CAP1: variants seen among roughly 807,000 people sequenced by gnomAD.
CAP1 encodes adenylyl cyclase-associated protein 1.
A neutral mutation model predicts 58.2 loss-of-function variants in CAP1; 11 were observed. The ratio of observed to expected loss-of-function variants is 0.19; its 90% confidence interval spans 0.12 to 0.31. CAP1 has a LOEUF of 0.31. CAP1 is among the 10% of genes least tolerant of loss of function. CAP1 has a pLI of 1.00. For missense variants in CAP1, 423 were observed against 587.5 expected (o/e 0.72, Z 2.89); for synonymous variants, 183 against 213.8 (o/e 0.86, Z 1.26).
At chr1:40,051,858 C>T (rs544828306) in intron 1 of CAP1, among the ~76,000 whole-genome samples, 39 of 152,196 alleles carry the variant, frequency 2.6e-4, no homozygotes, top group African/African-American at 8.7e-4. Context: ...CGTGAGCCAC[C>T]GCGCCCAGCC....
intron 1 of CAP1, among the ~76,000 whole-genome samples, chr1:40,046,541 T>C (rs1044795051): frequency 6.6e-6 from 1 of 152,210 alleles, no homozygotes; most frequent in Non-Finnish European, 1.5e-5. Flanking sequence ...ACATTTATTT[T>C]AGTTGATAAA....
chr1:40,041,998 G>T (rs1645856118), intron 1 of CAP1, among the ~76,000 whole-genome samples: 1 of 152,088 alleles, frequency 6.6e-6, no homozygotes, highest in South Asian at 2.1e-4. Context: ...AAATCCGGGG[G>T]CATATCAGCA....
chr1:40,040,371 C>A (rs1248363273), upstream of CAP1: 1 of 152,304 alleles, frequency 6.6e-6, no homozygotes, highest in Non-Finnish European at 1.5e-5. Flanking sequence ...TGAGACCAAA[C>A]TGACAGAGGA....
At chr1:40,062,225 CTCT>C (rs1646881958) in intron 4 of CAP1, among the ~76,000 whole-genome samples, 1 of 15,112 alleles carries the variant, frequency 6.6e-5, no homozygotes, top group Non-Finnish European at 2.1e-4. Context: ...TTGGGAGACT[CTCT>C]CTTTAATTTT....
At chr1:40,045,515 C>T (rs1646051518) in intron 1 of CAP1, among the ~76,000 whole-genome samples, 1 of 152,188 alleles carries the variant, frequency 6.6e-6, no homozygotes, top group African/African-American at 2.4e-5. Flanking sequence ...CTTCTCGCTT[C>T]AGCCTCCTGA....
rs200592637 is a variant in CAP1, at chr1:40,064,403, G to A, written c.438+33G>A. The A allele has an allele frequency of 7.4e-6, 12 of 1,613,888 alleles. No individual in the cohort carries two copies. In the African/African-American group the frequency reaches 1.5e-4, roughly 20 times the overall value. On this transcript the variant is annotated intron_variant, in intron 5 of 12. Coordinates refer to ENST00000372805, the MANE Select transcript of CAP1 (RefSeq NM_006367.4). The stretch of plus-strand genomic sequence containing the variant: ...GCGCAGATTCCAGGGCTGGGGGTGG[G>A]TATAGATTTTAAGAGGGAAGGCAAT...
chr1:40,070,409 A>G (rs1647680219), intron 10 of CAP1, 21 bp from the exon 11 acceptor site: 2 of 1,608,022 alleles, frequency 1.2e-6, no homozygotes, highest in Non-Finnish European at 1.7e-6. Flanking sequence ...ACACGTTGAC[A>G]CACTCCCTTT....
intron 1 of CAP1, among the ~76,000 whole-genome samples, chr1:40,044,190 G>A (rs930695326): frequency 6.6e-6 from 1 of 151,942 alleles, no homozygotes; most frequent in South Asian, 2.1e-4. Context: ...TTGAGGCTGA[G>A]TTAGAGACTA....
At chr1:40,044,988 G>A (rs1188851098) in intron 1 of CAP1, among the ~76,000 whole-genome samples, 1 of 151,728 alleles carries the variant, frequency 6.6e-6, no homozygotes, top group Non-Finnish European at 1.5e-5. Flanking sequence ...AGTATAGACG[G>A]GGTTTCACTG....
At chr1:40,070,718 GC>G (rs1647770953) in intron 11 of CAP1, 117 bp from the exon 12 acceptor site, 1 of 779,890 alleles carries the variant, frequency 1.3e-6, no homozygotes, top group Non-Finnish European at 2.1e-6. Flanking sequence ...CCAGTGTCTT[GC>G]GCATCTGTGA....
chr1:40,045,112 G>A (rs1258762303), intron 1 of CAP1, among the ~76,000 whole-genome samples: 1 of 152,014 alleles, frequency 6.6e-6, no homozygotes, highest in Non-Finnish European at 1.5e-5. Context: ...GAGTTGTCCT[G>A]TGCACTGTGG....
intron 2 of CAP1, among the ~76,000 whole-genome samples, 154 bp downstream of exon 2, chr1:40,059,612 T>A (rs1260135967): frequency 6.6e-6 from 1 of 152,202 alleles, no homozygotes; most frequent in Non-Finnish European, 1.5e-5. Flanking sequence ...AGAGAGGAAA[T>A]GACTTGTACA....
At chr1:40,061,650 C>T in intron 3 of CAP1, 85 bp from the exon 4 acceptor site, 2 of 1,079,394 alleles carry the variant, frequency 1.9e-6, no homozygotes, top group South Asian at 1.2e-5. Context: ...TATCAGAGTA[C>T]ATGGAAGTAG....
intron 1 of CAP1, among the ~76,000 whole-genome samples, chr1:40,053,492 C>T (rs1469527812): frequency 6.6e-6 from 1 of 152,048 alleles, no homozygotes; most frequent in Non-Finnish European, 1.5e-5. Context: ...CTCTTGTTGC[C>T]CAGGCTGGAG....
chr1:40,043,634 T>G (rs552132872), intron 1 of CAP1, among the ~76,000 whole-genome samples: 37 of 152,288 alleles, frequency 2.4e-4, no homozygotes, highest in African/African-American at 8.9e-4. Context: ...CCTGACACTT[T>G]GGGAGGCTGA....
At chr1:40,059,489 T>C in intron 2 of CAP1, 31 bp downstream of exon 2, 1 of 1,305,572 alleles carries the variant, frequency 7.7e-7, no homozygotes, top group East Asian at 2.3e-5. Context: ...CAGAATGCTT[T>C]CTTTGAGCGT....
chr1:40,072,447 T>C lies in CAP1; in HGVS notation c.*914T>C, dbSNP rs1175405302. On this transcript the variant is annotated 3_prime_UTR_variant, in exon 13 of 13. Coordinates refer to ENST00000372805, the MANE Select transcript of CAP1 (RefSeq NM_006367.4). ...CAGGCTGGTTTTAGGTCTTGAATTA[T>C]GTAAGAATCTTGCACAGCACTGCTA... 1.6e-5 allele frequency: 3 copies of C among 188,306 alleles called. No individual in the cohort carries two copies. The highest frequency in any genetic ancestry group is 2.0e-4 in the South Asian group (1 of 5,128). 11.7% of individuals were successfully genotyped at this position (188,306 alleles called of 1,614,324 possible).
At chr1:40,040,391 T>G (rs1167548859), upstream of CAP1, 1 of 152,304 alleles carries the variant, frequency 6.6e-6, no homozygotes, top group African/African-American at 2.4e-5. Context: ...AACTGGTCAC[T>G]CTTCTGTTCT....
chr1:40,056,248 A>AT (rs1646608473), intron 1 of CAP1, among the ~76,000 whole-genome samples: 1 of 151,266 alleles, frequency 6.6e-6, no homozygotes, highest in Admixed American at 6.6e-5. Flanking sequence ...GCTTTTGGAC[A>AT]TTTCAGGTTG....
Sources: allele counts gnomAD v4.1 joint callset (sites outside exome capture counted in the v4.1 genomes callset), GRCh38; gene constraint gnomAD v4.1.1; transcripts MANE v1.5; gene names NCBI Gene and HGNC (gene_info 2026-07-23, HGNC 2026-07-21).